Variants in DPYD observed in about 807,000 individuals in gnomAD.
DPYD encodes dihydropyrimidine dehydrogenase [NADP(+)].
Under a neutral mutation model 116.2 loss-of-function variants are expected in DPYD, and 109 were observed. The observed-to-expected ratio is 0.94, with a 90% CI of 0.80 to 1.10. The LOEUF (loss-of-function observed/expected upper bound fraction) is 1.10. Among genes scored for constraint, DPYD ranks in the 50% least tolerant of loss-of-function variants. DPYD has a pLI of 0.00. For missense variants in DPYD, 1,302 were observed against 1,254.5 expected, an observed-to-expected ratio of 1.04 and a Z score of -0.57; for synonymous variants, 440 against 432.0, an observed-to-expected ratio of 1.02 and a Z score of -0.23.
At chr1:97,155,796 C>A (rs1557898438) in intron 20 of DPYD, among the ~76,000 whole-genome samples, 1 of 152,076 alleles carries the variant, frequency 6.6e-6, no homozygotes, top group African/African-American at 2.4e-5. Flanking sequence ...CCTTAGTGTT[C>A]TTTTGATCTC....
intron 4 of DPYD, among the ~76,000 whole-genome samples, chr1:97,732,243 G>A (rs762876136): frequency 6.6e-6 from 1 of 152,004 alleles, no homozygotes; most frequent in Non-Finnish European, 1.5e-5. Context: ...TTGGGAGGCC[G>A]AGGCAGGTGG....
intron 19 of DPYD, among the ~76,000 whole-genome samples, chr1:97,221,214 TGA>T (rs1189332421): frequency 6.6e-6 from 1 of 152,168 alleles, no homozygotes; most frequent in Admixed American, 6.6e-5. Flanking sequence ...AATTAATAAG[TGA>T]AAGAGCAAGC....
chr1:97,365,563 T>G (rs551860577), intron 16 of DPYD, among the ~76,000 whole-genome samples: 4 of 152,174 alleles, frequency 2.6e-5, no homozygotes, highest in African/African-American at 9.7e-5. Flanking sequence ...TTTAAAAAAC[T>G]TAAAAAATAC....
chr1:97,360,910 C>T (rs956152580), intron 16 of DPYD, among the ~76,000 whole-genome samples: 4 of 151,904 alleles, frequency 2.6e-5, no homozygotes, highest in Non-Finnish European at 4.4e-5. Flanking sequence ...GAAGCAAGAG[C>T]AAACAAATTC....
intron 12 of DPYD, among the ~76,000 whole-genome samples, chr1:97,522,343 A>C (rs1648742630): frequency 6.6e-6 from 1 of 152,178 alleles, no homozygotes; most frequent in Non-Finnish European, 1.5e-5. Context: ...TCGGCTGTAC[A>C]TGTTAATTTT....
intron 13 of DPYD, among the ~76,000 whole-genome samples, chr1:97,457,357 A>T (rs1038968194): frequency 6.6e-6 from 1 of 152,120 alleles, no homozygotes. Flanking sequence ...AAATATGGAG[A>T]TTAATTTTCT....
chr1:97,537,302 C>A (rs952772294), intron 12 of DPYD, among the ~76,000 whole-genome samples: 1 of 152,106 alleles, frequency 6.6e-6, no homozygotes, highest in African/African-American at 2.4e-5. Flanking sequence ...TTCTTACAAC[C>A]CAGCATTGTG....
intron 20 of DPYD, among the ~76,000 whole-genome samples, chr1:97,161,834 T>G (rs1196851351): frequency 6.7e-6 from 1 of 150,294 alleles, no homozygotes; most frequent in Admixed American, 6.6e-5. Context: ...TGGTTTTTTG[T>G]CCTTGCGATA....
chr1:97,269,322 GTCT>G (rs1664427910), intron 18 of DPYD, among the ~76,000 whole-genome samples: 1 of 152,118 alleles, frequency 6.6e-6, no homozygotes, highest in Non-Finnish European at 1.5e-5. Flanking sequence ...TGTAGCTCTT[GTCT>G]TCTTCTGAGC....
chr1:97,083,046 T>G (rs1649273895), intron 21 of DPYD, among the ~76,000 whole-genome samples: 1 of 152,138 alleles, frequency 6.6e-6, no homozygotes, highest in Non-Finnish European at 1.5e-5. Context: ...CTTAGGTTGA[T>G]CCAATAATTA....
chr1:97,289,370 CAG>C (rs1156360127), intron 18 of DPYD, among the ~76,000 whole-genome samples: 1 of 152,128 alleles, frequency 6.6e-6, no homozygotes, highest in African/African-American at 2.4e-5. Flanking sequence ...CAAAGCCGGG[CAG>C]AGACACAATC....
chr1:97,809,537 C>T (rs1185407215), intron 3 of DPYD, among the ~76,000 whole-genome samples: 2 of 152,094 alleles, frequency 1.3e-5, no homozygotes, highest in Non-Finnish European at 2.9e-5. Context: ...TTCCGATTGA[C>T]TGAGTGTAGA....
chr1:97,741,859 T>G (rs1664287428), intron 3 of DPYD, among the ~76,000 whole-genome samples: 2 of 152,060 alleles, frequency 1.3e-5, no homozygotes, highest in African/African-American at 2.4e-5. Flanking sequence ...AGGGAGGTTG[T>G]CAGGACAGGC....
At chr1:97,875,789 C>G (rs1003174372) in intron 2 of DPYD, among the ~76,000 whole-genome samples, 1 of 151,848 alleles carries the variant, frequency 6.6e-6, no homozygotes, top group African/African-American at 2.4e-5. Context: ...TTAATAATAT[C>G]TAACATTTGT....
chr1:97,700,880 CA>C (rs1013744738), intron 5 of DPYD, among the ~76,000 whole-genome samples: 3 of 149,630 alleles, frequency 2.0e-5, no homozygotes, highest in East Asian at 2.0e-4. Flanking sequence ...ACATATTTAG[CA>C]AAAAAAATAA....
chr1:97,141,006 G>A lies in DPYD; in HGVS notation c.2623-42374C>T, dbSNP rs369148518. The stretch of plus-strand genomic sequence containing the variant: ...TAAGTGTGAGCTGAGTGGATCATAC[G>A]TCTAATAGATCTGTAAACATGAGGA... On this transcript the variant is annotated intron_variant, in intron 20 of 22. Transcript: ENST00000370192. Among the ~76,000 whole-genome samples, 44 of 152,218 alleles carry A rather than the reference G, an allele frequency of 2.9e-4. 1 individual carries two copies. In the South Asian group the frequency reaches 8.7e-3, roughly 30 times the overall value.
intron 20 of DPYD, among the ~76,000 whole-genome samples, chr1:97,147,222 C>T (rs987893314): frequency 6.6e-6 from 1 of 151,988 alleles, no homozygotes; most frequent in African/African-American, 2.4e-5. Context: ...GGGGCATGCT[C>T]GTAGTCCCAG....
chr1:97,389,071 G>GT (rs1432607418), intron 14 of DPYD, among the ~76,000 whole-genome samples: 2 of 152,060 alleles, frequency 1.3e-5, no homozygotes, highest in Non-Finnish European at 2.9e-5. Context: ...GAACTAGGGT[G>GT]TAAGGTCTCT....
At chr1:97,234,045 T>G (rs1448527754) in intron 19 of DPYD, among the ~76,000 whole-genome samples, 1 of 152,182 alleles carries the variant, frequency 6.6e-6, no homozygotes, top group Non-Finnish European at 1.5e-5. Context: ...CCAAACTTTC[T>G]GCTTTCCAAT....
Sources: allele counts gnomAD v4.1 joint callset (sites outside exome capture counted in the v4.1 genomes callset), GRCh38; gene constraint gnomAD v4.1.1; transcripts MANE v1.5; gene names NCBI Gene and HGNC (gene_info 2026-07-23, HGNC 2026-07-21).